SGCZ: variants seen among roughly 807,000 people sequenced by gnomAD.
SGCZ encodes sarcoglycan zeta.
Under a neutral mutation model 41.3 loss-of-function variants are expected in SGCZ, and 40 were observed. That is an observed-to-expected ratio of 0.97 (90% CI 0.75 to 1.26). The LOEUF (loss-of-function observed/expected upper bound fraction) is 1.26, where lower values mean the gene tolerates loss of function less well. SGCZ is among the 50% of genes most tolerant of loss of function. The probability of loss-of-function intolerance (pLI) is 0.00; values close to 1 mark genes in which losing one functional copy is unlikely to be tolerated. For missense variants in SGCZ, 552 were observed against 369.8 expected, an observed-to-expected ratio of 1.49 and a Z score of -4.04; for synonymous variants, 206 against 137.5, an observed-to-expected ratio of 1.50 and a Z score of -3.49.
In SGCZ at chr8:14,312,892, A is replaced by G. The variant is rs142295387; in HGVS notation, c.336+11211T>C. On this transcript the variant is annotated intron_variant, in intron 3 of 7. Coordinates refer to ENST00000382080, the MANE Select transcript of SGCZ (RefSeq NM_139167.4). ...TGAAGAAAACTATTAGAGTAAGTCA[A>G]GAATGTTTCCCAGAACAGGAATAAT... 1.5e-3 allele frequency among the ~76,000 whole-genome samples: 223 copies of G among 152,318 alleles called. 2 individuals are homozygous for G. The highest frequency in any genetic ancestry group is 5.1e-3 in the African/African-American group (212 of 41,578).
intron 1 of SGCZ, among the ~76,000 whole-genome samples, chr8:14,945,521 T>C (rs1461895190): frequency 6.6e-6 from 1 of 152,078 alleles, no homozygotes; most frequent in Non-Finnish European, 1.5e-5. Context: ...TCAAGACTAC[T>C]ATGGTGCTTA....
At chr8:14,914,154 C>T (rs1799359009) in intron 1 of SGCZ, among the ~76,000 whole-genome samples, 2 of 151,528 alleles carry the variant, frequency 1.3e-5, no homozygotes, top group African/African-American at 4.9e-5. Context: ...AACTATATAA[C>T]CTGCAACCAT....
intron 5 of SGCZ, among the ~76,000 whole-genome samples, chr8:14,150,646 A>C (rs1009452572): frequency 6.6e-6 from 1 of 152,270 alleles, no homozygotes; most frequent in South Asian, 2.1e-4. Context: ...TTGAGCTACC[A>C]TATGATCCAG....
intron 2 of SGCZ, among the ~76,000 whole-genome samples, chr8:14,329,579 T>A (rs1802241128): frequency 6.6e-6 from 1 of 150,556 alleles, no homozygotes. Flanking sequence ...TTTTATTATT[T>A]TAGTATTATG....
intron 2 of SGCZ, among the ~76,000 whole-genome samples, chr8:14,335,906 T>C (rs1291683072): frequency 1.3e-5 from 2 of 152,098 alleles, no homozygotes; most frequent in Non-Finnish European, 2.9e-5. Context: ...CAAAATTTAT[T>C]TTTACAACCG....
intron 2 of SGCZ, among the ~76,000 whole-genome samples, chr8:14,432,289 C>G (rs142011217): frequency 6.6e-6 from 1 of 152,088 alleles, no homozygotes; most frequent in African/African-American, 2.4e-5. Flanking sequence ...AAATGCCCAT[C>G]GATCAACAAA....
intron 2 of SGCZ, among the ~76,000 whole-genome samples, chr8:14,366,162 C>T (rs1195722406): frequency 2.6e-5 from 4 of 152,056 alleles, no homozygotes; most frequent in Non-Finnish European, 5.9e-5. Context: ...AGTCTGCTGT[C>T]ATCTGGAGAA....
intron 2 of SGCZ, among the ~76,000 whole-genome samples, chr8:14,546,611 A>G (rs1210337283): frequency 6.6e-6 from 1 of 152,120 alleles, no homozygotes; most frequent in Non-Finnish European, 1.5e-5. Flanking sequence ...CACACTAACT[A>G]TGAGAGATTA....
At chr8:14,592,994 T>C (rs569765307) in intron 1 of SGCZ, among the ~76,000 whole-genome samples, 7 of 152,322 alleles carry the variant, frequency 4.6e-5, no homozygotes, top group African/African-American at 9.6e-5. Context: ...CTGTTGTCTC[T>C]GACTTAGTGC....
chr8:14,603,884 C>T (rs1805667489), intron 1 of SGCZ, among the ~76,000 whole-genome samples: 1 of 152,020 alleles, frequency 6.6e-6, no homozygotes, highest in East Asian at 1.9e-4. Context: ...TATTCAAAAA[C>T]AATATGATGA....
intron 3 of SGCZ, among the ~76,000 whole-genome samples, chr8:14,292,502 C>G (rs1476097806): frequency 2.6e-5 from 4 of 152,034 alleles, no homozygotes; most frequent in Non-Finnish European, 4.4e-5. Flanking sequence ...ATTCAACATA[C>G]TCTGAAGATG....
At chr8:15,146,724 T>C (rs1049112863) in intron 1 of SGCZ, among the ~76,000 whole-genome samples, 2 of 152,154 alleles carry the variant, frequency 1.3e-5, no homozygotes, top group African/African-American at 4.8e-5. Context: ...ACCTGTACTA[T>C]TTTTTTAAAT....
intron 1 of SGCZ, 79 bp downstream of exon 1, chr8:15,237,506 T>C: frequency 1.3e-6 from 2 of 1,508,152 alleles, no homozygotes; most frequent in Non-Finnish European, 1.8e-6. Context: ...TCCGCGCCGC[T>C]GGAGGAGCCG....
At chr8:14,843,846 G>C (rs1284020213) in intron 1 of SGCZ, among the ~76,000 whole-genome samples, 1 of 151,610 alleles carries the variant, frequency 6.6e-6, no homozygotes, top group Non-Finnish European at 1.5e-5. Context: ...AATATTACTT[G>C]GGTTCCCAGT....
At chr8:14,098,323 T>C (rs1801907388) in intron 7 of SGCZ, among the ~76,000 whole-genome samples, 1 of 152,178 alleles carries the variant, frequency 6.6e-6, no homozygotes, top group East Asian at 1.9e-4. Context: ...GTTTTTCTGA[T>C]GTGAAAGCAA....
intron 1 of SGCZ, among the ~76,000 whole-genome samples, chr8:14,996,413 GT>G (rs1024833167): frequency 6.6e-6 from 1 of 152,096 alleles, no homozygotes; most frequent in African/African-American, 2.4e-5. Flanking sequence ...TTTTTGTTTT[GT>G]TTTGAAAGAT....
intron 1 of SGCZ, among the ~76,000 whole-genome samples, chr8:14,866,192 A>T (rs1029624996): frequency 2.6e-5 from 4 of 152,122 alleles, no homozygotes; most frequent in Non-Finnish European, 5.9e-5. Context: ...GGATCTATTT[A>T]TGTATCTCTG....
intron 1 of SGCZ, among the ~76,000 whole-genome samples, chr8:15,140,775 G>T (rs1319587500): frequency 6.6e-6 from 1 of 152,134 alleles, no homozygotes; most frequent in Non-Finnish European, 1.5e-5. Flanking sequence ...AGACAGCTCA[G>T]TTATCCTGCT....
chr8:14,908,056 C>A (rs1352229684), intron 1 of SGCZ, among the ~76,000 whole-genome samples: 8 of 152,010 alleles, frequency 5.3e-5, no homozygotes, highest in Non-Finnish European at 7.4e-5. Context: ...ACATAGAAAC[C>A]ACTGAAAATA....
Sources: allele counts gnomAD v4.1 joint callset (sites outside exome capture counted in the v4.1 genomes callset), GRCh38; gene constraint gnomAD v4.1.1; transcripts MANE v1.5; gene names NCBI Gene and HGNC (gene_info 2026-07-23, HGNC 2026-07-21).